Variants in LAPTM4B observed in about 807,000 individuals in gnomAD.
The protein encoded by LAPTM4B is lysosomal protein transmembrane 4 beta.
In LAPTM4B, 26 loss-of-function variants were observed where a neutral mutation model predicts 28.5. The observed-to-expected ratio is 0.91, with a 90% confidence interval of 0.67 to 1.27. The LOEUF is 1.27. Ranked by LOEUF, LAPTM4B falls within the 50% of genes most tolerant of loss-of-function variation. LAPTM4B has a pLI of 0.00. For missense variants in LAPTM4B, 288 were observed against 285.8 expected (o/e 1.01, Z -0.06); for synonymous variants, 109 against 106.4 (o/e 1.02, Z -0.15).
At chr8:97,819,286 C>A in intron 5 of LAPTM4B, 48 bp downstream of exon 5, 2 of 1,136,402 alleles carry the variant, frequency 1.8e-6, no homozygotes, top group Non-Finnish European at 2.6e-6. Context: ...AAGTGTATTC[C>A]TGAATACCAA....
intron 6 of LAPTM4B, among the ~76,000 whole-genome samples, chr8:97,834,144 G>GAAAA (rs554058157): frequency 0.011 from 809 of 75,340 alleles, 133 homozygotes; most frequent in Non-Finnish European, 0.013. Context: ...TGTCTCTACA[G>GAAAA]AAAAAAAAAA....
chr8:97,812,217 G>GTTTTTTT (rs71271157), intron 2 of LAPTM4B, among the ~76,000 whole-genome samples: 8 of 93,310 alleles, frequency 8.6e-5, no homozygotes, highest in Admixed American at 2.2e-4. Context: ...TTTTTTTTTT[G>GTTTTTTT]TTGTTTTTTG....
rs902746882 is a variant in LAPTM4B, at chr8:97,775,949, G to C, written c.-61G>C. 3 of 1,501,544 alleles carry C rather than the reference G, an allele frequency of 2.0e-6. No homozygotes were observed. In the African/African-American group the frequency reaches 4.3e-5, roughly 22 times the overall value. The allele number at this position is 1,501,544 out of a possible 1,614,324, so 93.0% of individuals were successfully genotyped here. On this transcript the variant is annotated 5_prime_UTR_variant, in exon 1 of 7. Transcript: ENST00000521545. ...GGCAGCAGCGGCGCGGCGGGCTCCA[G>C]GCGAGGCGGTCGACGCTCCTGAAAA...
intron 1 of LAPTM4B, among the ~76,000 whole-genome samples, chr8:97,793,207 A>G (rs1205935138): frequency 6.6e-6 from 1 of 152,232 alleles, no homozygotes; most frequent in Non-Finnish European, 1.5e-5. Flanking sequence ...GTGGCACAAT[A>G]GATTAATTTT....
chr8:97,804,020 C>T (rs923997264), intron 1 of LAPTM4B, among the ~76,000 whole-genome samples: 15 of 152,294 alleles, frequency 9.8e-5, no homozygotes, highest in East Asian at 1.9e-4. Context: ...ATCTTCACTC[C>T]ATTTGAGAAG....
intron 5 of LAPTM4B, among the ~76,000 whole-genome samples, chr8:97,824,566 A>G (rs1817064614): frequency 6.6e-6 from 1 of 152,168 alleles, no homozygotes; most frequent in Non-Finnish European, 1.5e-5. Context: ...AGTGAATTTT[A>G]TTGACTGTGA....
chr8:97,818,916 A>G (rs1816962738), intron 4 of LAPTM4B, among the ~76,000 whole-genome samples: 1 of 152,196 alleles, frequency 6.6e-6, no homozygotes, highest in African/African-American at 2.4e-5. Flanking sequence ...AGAGAATACA[A>G]ATTTCAGAGA....
chr8:97,834,603 T>C (rs1817234150), intron 6 of LAPTM4B, among the ~76,000 whole-genome samples: 2 of 152,126 alleles, frequency 1.3e-5, no homozygotes, highest in South Asian at 4.1e-4. Context: ...AGGGTCTCAC[T>C]CTTTTACCCT....
intron 1 of LAPTM4B, among the ~76,000 whole-genome samples, chr8:97,786,874 T>G (rs1049935813): frequency 6.6e-6 from 1 of 152,112 alleles, no homozygotes. Flanking sequence ...CCAGTTATGC[T>G]ATAGATAAAG....
intron 6 of LAPTM4B, among the ~76,000 whole-genome samples, chr8:97,835,990 G>A (rs1041105745): frequency 7.2e-5 from 11 of 152,220 alleles, no homozygotes; most frequent in South Asian, 2.1e-4. Flanking sequence ...CACATGCAAC[G>A]GATCTAGGCT....
chr8:97,845,195 A>G (rs58639589), intron 6 of LAPTM4B, among the ~76,000 whole-genome samples: 25,817 of 152,112 alleles, frequency 0.17, 2,301 homozygotes, highest in East Asian at 0.23. Context: ...GTTTCATCAC[A>G]TTTTGCCTGC....
At chr8:97,786,664 A>G (rs200122695) in intron 1 of LAPTM4B, among the ~76,000 whole-genome samples, 13 of 148,474 alleles carry the variant, frequency 8.8e-5, no homozygotes, top group East Asian at 5.9e-4. Flanking sequence ...GTGCCGCTAC[A>G]CTCCAGCCCG....
At chr8:97,816,257 A>ATCTC in intron 4 of LAPTM4B, 77 bp downstream of exon 4, 10 of 1,277,642 alleles carry the variant, frequency 7.8e-6, no homozygotes, top group Non-Finnish European at 1.1e-5. Flanking sequence ...ATGTGTAGAG[A>ATCTC]TACACAGACA....
intron 6 of LAPTM4B, among the ~76,000 whole-genome samples, chr8:97,835,897 G>A (rs1325277515): frequency 6.6e-6 from 1 of 152,002 alleles, no homozygotes; most frequent in Admixed American, 6.5e-5. Context: ...GCGCGGGCAA[G>A]CAAGCATTAC....
intron 1 of LAPTM4B, among the ~76,000 whole-genome samples, chr8:97,789,540 T>G (rs184292673): frequency 0.017 from 2,520 of 151,072 alleles, 31 homozygotes; most frequent in Middle Eastern, 0.031. Context: ...TTTTTTTTTT[T>G]TTGAGAGACG....
chr8:97,796,167 C>G (rs937990563), intron 1 of LAPTM4B, among the ~76,000 whole-genome samples: 4 of 152,212 alleles, frequency 2.6e-5, no homozygotes, highest in African/African-American at 9.6e-5. Flanking sequence ...TCTCCGATTC[C>G]TGACCTCAAG....
At chr8:97,819,454 A>G (rs1019862301) in intron 5 of LAPTM4B, among the ~76,000 whole-genome samples, 1 of 152,232 alleles carries the variant, frequency 6.6e-6, no homozygotes, top group African/African-American at 2.4e-5. Context: ...ATATTTGGAC[A>G]GAGATAAGTT....
intron 1 of LAPTM4B, among the ~76,000 whole-genome samples, chr8:97,781,277 C>CAAAATTCA (rs1489104689): frequency 2.3e-5 from 1 of 43,986 alleles, no homozygotes. Flanking sequence ...CTGTGCCCGG[C>CAAAATTCA]CTTTTTTTTT....
At position 97,805,935 on chromosome 8, in the gene LAPTM4B, C is replaced by G. The variant is rs568364342; in HGVS notation, c.211+471C>G. On this transcript the variant is annotated intron_variant, in intron 2 of 6. Coordinates refer to ENST00000521545, the MANE Select transcript of LAPTM4B (RefSeq NM_018407.6). ...TACAGGGATGTGGATGTGGGGTAAG[C>G]AGGGAGGAAGCTAGGCTCCCAGCTT... 4.6e-5 allele frequency among the ~76,000 whole-genome samples: 7 copies of G among 152,208 alleles called. No individual in the cohort carries two copies. In the East Asian group the frequency reaches 1.4e-3, roughly 29 times the overall value.
Sources: gnomAD v4.1 joint callset for allele counts (sites outside exome capture counted in the v4.1 genomes callset) on GRCh38, gnomAD v4.1.1 for gene constraint, MANE v1.5 for transcripts, NCBI Gene and HGNC (gene_info 2026-07-23, HGNC 2026-07-21) for gene names.